Variants in SEC31A observed in about 807,000 individuals in gnomAD.
The protein encoded by SEC31A is SEC31 homolog A, COPII component.
Under a neutral mutation model 151.0 loss-of-function variants are expected in SEC31A, and 70 were observed. That is an observed-to-expected ratio of 0.46 (90% CI 0.38 to 0.57). SEC31A has a LOEUF of 0.57. Among genes scored for constraint, SEC31A ranks in the 20% least tolerant of loss-of-function variants. The pLI is 0.00. For missense variants in SEC31A, 1,330 were observed against 1,471.2 expected (o/e 0.90, Z 1.57); for synonymous variants, 475 against 505.9 (o/e 0.94, Z 0.82).
intron 16 of SEC31A, among the ~76,000 whole-genome samples, chr4:82,855,603 G>C (rs1406317726): frequency 6.6e-6 from 1 of 152,148 alleles, no homozygotes; most frequent in Non-Finnish European, 1.5e-5. Flanking sequence ...ATAACACCAA[G>C]TAACCACAAA....
In SEC31A at chr4:82,844,375, A is replaced by C; in HGVS notation, c.2626+11T>G. On this transcript the variant is annotated intron_variant, in intron 21 of 26. Transcript: ENST00000395310. The stretch of plus-strand genomic sequence containing the variant: ...ACTGCTCTGAAAGGACTTTGGGGTC[A>C]CACTACTTACGCTGTGGCTGTGGAT... The C allele has an allele frequency of 6.2e-7, 1 of 1,611,766 alleles. No individual in the cohort carries two copies.
Position 82,821,129 on chromosome 4 carries a change from A to G in SEC31A, c.3412-21T>C, listed in dbSNP as rs753159650. On this transcript the variant is annotated intron_variant, in intron 25 of 26. Transcript: ENST00000395310. ...GTTTGCTGCAGGAAAGAAAAAATAG[A>G]TGTTATATTTGAACATTAACTTTTA... The G allele has an allele frequency of 2.0e-5, 32 of 1,594,772 alleles. No individual in the cohort carries two copies. The South Asian group carries it at 3.1e-4, about 15-fold the overall frequency.
chr4:82,858,747 G>C (rs993123149), intron 14 of SEC31A, among the ~76,000 whole-genome samples: 3 of 150,596 alleles, frequency 2.0e-5, no homozygotes, highest in African/African-American at 7.3e-5. Context: ...CTGTCACCCA[G>C]GCTGGAGTGC....
At chr4:82,861,908 T>C in intron 13 of SEC31A, 200 bp from the exon 14 acceptor site, 1 of 256,850 alleles carries the variant, frequency 3.9e-6, no homozygotes, top group Admixed American at 6.0e-5. Flanking sequence ...TCCCATTCTT[T>C]TTTTTTTTTT....
chr4:82,835,564 G>A (rs1012757209), intron 22 of SEC31A, among the ~76,000 whole-genome samples: 1 of 152,198 alleles, frequency 6.6e-6, no homozygotes, highest in African/African-American at 2.4e-5. Flanking sequence ...GGGAGGCTGA[G>A]GTGGATGGAT....
In SEC31A at chr4:82,842,377, G is replaced by T; in HGVS notation, c.2731C>A (p.Pro911Thr). The change falls in exon 22 of 27, where the codon CCT (proline) becomes ACT (threonine). Residue 911 changes from proline to threonine, a missense_variant. Physicochemically the swap from Pro to Thr is conservative, Grantham distance 38 (BLOSUM62 -1). Transcript: ENST00000395310. ...TAGGAAGAAGCAGAAGATATGTAAG[G>T]GGTGTTAGGGTAAGCGTTTGAAGTA... Reference protein sequence around the residue: ...PPTSNAYPNTPYISSASSYTG... With the variant: ...PPTSNAYPNTTYISSASSYTG... 2 of 1,613,994 alleles carry T rather than the reference G, an allele frequency of 1.2e-6. No homozygotes were observed. Among genetic ancestry groups the T allele is most frequent in the African/African-American group, 2.7e-5 (2 of 75,016 alleles).
chr4:82,863,230 G>T, intron 12 of SEC31A, 88 bp downstream of exon 12: 1 of 767,520 alleles, frequency 1.3e-6, no homozygotes, highest in South Asian at 1.7e-5. Context: ...AATGTTTATT[G>T]GGTGATTTGA....
chr4:82,870,292 G>A, intron 8 of SEC31A, 33 bp downstream of exon 8: 1 of 1,518,024 alleles, frequency 6.6e-7, no homozygotes, highest in Non-Finnish European at 9.1e-7. Flanking sequence ...TACTATAAGG[G>A]CTACAAGGTT....
chr4:82,825,046 G>A (rs1003932464), intron 24 of SEC31A, among the ~76,000 whole-genome samples: 3 of 152,126 alleles, frequency 2.0e-5, no homozygotes, highest in Non-Finnish European at 4.4e-5. Context: ...TGCTTGCTCT[G>A]CCTATTGGCT....
In SEC31A at chr4:82,876,854, G is replaced by T. The variant is rs557297752; in HGVS notation, c.403-1032C>A. On this transcript the variant is annotated intron_variant, in intron 4 of 26. Coordinates refer to ENST00000395310, the MANE Select transcript of SEC31A (RefSeq NM_001077207.4). ...AAAAGGGAGACATTCTATGGTAGTA[G>T]CTACCTATAACACAAAATACTTTAT... Among the ~76,000 whole-genome samples the T allele has an allele frequency of 6.6e-5, 10 of 152,300 alleles. No individual in the cohort carries two copies. The East Asian group carries it at 7.7e-4, about 12-fold the overall frequency.
chr4:82,860,039 G>A (rs1217133508), intron 14 of SEC31A, among the ~76,000 whole-genome samples: 4 of 152,096 alleles, frequency 2.6e-5, no homozygotes, highest in Middle Eastern at 3.4e-3. Flanking sequence ...TGATCTGCCC[G>A]CCTCGGCCTC....
chr4:82,876,804 C>A (rs1043196612), intron 4 of SEC31A, among the ~76,000 whole-genome samples: 2 of 152,182 alleles, frequency 1.3e-5, no homozygotes, highest in Non-Finnish European at 2.9e-5. Context: ...ACAAATTATT[C>A]TCTATCAGTT....
intron 18 of SEC31A, among the ~76,000 whole-genome samples, chr4:82,851,866 T>C (rs1369076470): frequency 1.3e-5 from 2 of 152,190 alleles, no homozygotes; most frequent in African/African-American, 2.4e-5. Flanking sequence ...ACTTGTCTAG[T>C]GAGCTAAAAC....
intron 26 of SEC31A, 35 bp downstream of exon 26, chr4:82,821,002 A>G (rs1234054767): frequency 6.4e-7 from 1 of 1,559,370 alleles, no homozygotes; most frequent in Non-Finnish European, 8.8e-7. Context: ...CTAGGAATAA[A>G]TGATTATCAT....
intron 3 of SEC31A, among the ~76,000 whole-genome samples, chr4:82,879,399 C>T (rs766880285): frequency 3.0e-4 from 43 of 143,820 alleles, no homozygotes; most frequent in Non-Finnish European, 5.6e-4. Flanking sequence ...GGGTCACTAA[C>T]AAGTGGTCTG....
intron 25 of SEC31A, among the ~76,000 whole-genome samples, chr4:82,821,954 G>A (rs80206820): frequency 0.021 from 3,245 of 152,128 alleles, 125 homozygotes; most frequent in African/African-American, 0.074. Flanking sequence ...AAGAAAGAAA[G>A]AAAACTATCT....
chr4:82,896,053 T>G (rs566587855), upstream of SEC31A, among the ~76,000 whole-genome samples: 1 of 152,304 alleles, frequency 6.6e-6, no homozygotes, highest in South Asian at 2.1e-4. Context: ...GGAAAAAAAC[T>G]CAGAACAAAG....
At chr4:82,888,145 TG>T (rs1578410684) in intron 1 of SEC31A, among the ~76,000 whole-genome samples, 1 of 128,774 alleles carries the variant, frequency 7.8e-6, no homozygotes, top group Non-Finnish European at 1.7e-5. Context: ...GAGGCCGAGG[TG>T]GGCAGATCAC....
chr4:82,821,010 C>T lies in SEC31A; in HGVS notation c.3483+27G>A, dbSNP rs192746270. ...CTAGCAACTAGGAATAAATGATTAT[C>T]ATAAATCCTTTTCCTCCAAAACTTA... On this transcript the variant is annotated intron_variant, in intron 26 of 26. Coordinates refer to ENST00000395310, the MANE Select transcript of SEC31A (RefSeq NM_001077207.4). The T allele has an allele frequency of 8.3e-4, 1,305 of 1,580,660 alleles. 1 individual carries two copies. Among genetic ancestry groups the T allele is most frequent in the Non-Finnish European group, 1.0e-3 (1,181 of 1,150,694 alleles).
Sources: gnomAD v4.1 joint callset for allele counts (sites outside exome capture counted in the v4.1 genomes callset) on GRCh38, gnomAD v4.1.1 for gene constraint, MANE v1.5 for transcripts, NCBI Gene and HGNC (gene_info 2026-07-23, HGNC 2026-07-21) for gene names.